The following MGMT variants were observed in gnomAD, a reference collection of about 807,000 sequenced individuals.
MGMT encodes O-6-methylguanine-DNA methyltransferase, also known as methylated-DNA--protein-cysteine methyltransferase.
MGMT carries 14 observed loss-of-function variants against 15.9 expected under a neutral mutation model. The ratio of observed to expected loss-of-function variants is 0.88; its 90% confidence interval spans 0.58 to 1.37. The LOEUF is 1.37. Ranked by LOEUF, MGMT falls within the 40% of genes most tolerant of loss-of-function variation. MGMT has a pLI of 0.00. For missense variants in MGMT, 282 were observed against 268.1 expected, an observed-to-expected ratio of 1.05 and a Z score of -0.36; for synonymous variants, 130 against 118.2, an observed-to-expected ratio of 1.10 and a Z score of -0.65.
chr10:129,553,085 C>T (rs964909833), intron 2 of MGMT, among the ~76,000 whole-genome samples: 1 of 152,146 alleles, frequency 6.6e-6, no homozygotes, highest in African/African-American at 2.4e-5. Context: ...GCCAGCTTCC[C>T]ACCGCATGGA....
intron 1 of MGMT, among the ~76,000 whole-genome samples, chr10:129,511,051 C>A (rs1431645569): frequency 7.0e-6 from 1 of 143,188 alleles, no homozygotes; most frequent in Non-Finnish European, 1.5e-5. Flanking sequence ...CCAGATGCAG[C>A]CTGGTGCTTC....
At chr10:129,680,502 A>G (rs546260876) in intron 2 of MGMT, among the ~76,000 whole-genome samples, 1 of 152,154 alleles carries the variant, frequency 6.6e-6, no homozygotes, top group East Asian at 1.9e-4. Context: ...CAGGAATTCT[A>G]CCGACTTTGG....
chr10:129,632,252 A>AT (rs1847218460), intron 2 of MGMT, among the ~76,000 whole-genome samples: 1 of 152,142 alleles, frequency 6.6e-6, no homozygotes, highest in East Asian at 1.9e-4. Context: ...GCTTACTTTC[A>AT]TTTTTAACTG....
At chr10:129,551,233 T>C (rs1037326096) in intron 2 of MGMT, among the ~76,000 whole-genome samples, 1 of 152,254 alleles carries the variant, frequency 6.6e-6, no homozygotes, top group African/African-American at 2.4e-5. Flanking sequence ...AGAGATGCTC[T>C]GAAGAAAGGC....
At chr10:129,497,177 C>T (rs1193495777) in intron 1 of MGMT, among the ~76,000 whole-genome samples, 1 of 152,172 alleles carries the variant, frequency 6.6e-6, no homozygotes, top group African/African-American at 2.4e-5. Context: ...CTTTATATTT[C>T]CTAGCCACAG....
At chr10:129,485,427 T>G (rs773637015) in intron 1 of MGMT, among the ~76,000 whole-genome samples, 1 of 152,196 alleles carries the variant, frequency 6.6e-6, no homozygotes, top group Non-Finnish European at 1.5e-5. Flanking sequence ...CACTTCCCTT[T>G]CCTTGGGGAG....
At chr10:129,467,457 C>T (rs1845181582) in intron 1 of MGMT, 161 bp downstream of exon 1, 2 of 982,170 alleles carry the variant, frequency 2.0e-6, no homozygotes, top group Non-Finnish European at 2.4e-6. Context: ...CCCCAAGTGC[C>T]TCCCAGGTGT....
chr10:129,728,082 A>C (rs1265776619), intron 3 of MGMT, among the ~76,000 whole-genome samples: 1 of 152,142 alleles, frequency 6.6e-6, no homozygotes, highest in Admixed American at 6.5e-5. Context: ...GCCAGGCTGG[A>C]CTTGAACAGG....
At position 129,638,429 on chromosome 10, in the gene MGMT, C is replaced by CAAAAAAAAAAAAAAAAAAAAA; in HGVS notation, c.126-69450_126-69449insAAAAAAAAAAAAAAAAAAAAA. On this transcript the variant is annotated intron_variant, in intron 2 of 4. Coordinates refer to ENST00000651593, the MANE Select transcript of MGMT (RefSeq NM_002412.5). ...GAAGTCCAAGAGAGGACCAAAGAGG[C>CAAAAAAAAAAAAAAAAAAAAA]AAAAAAAAAAAAAAAAGAAAAAAAA... Among the ~76,000 whole-genome samples, 154 of 61,586 alleles carry CAAAAAAAAAAAAAAAAAAAAA rather than the reference C, an allele frequency of 2.5e-3. 18 individuals carry two copies. Among genetic ancestry groups the CAAAAAAAAAAAAAAAAAAAAA allele is most frequent in the Non-Finnish European group, 3.3e-3 (101 of 30,622 alleles). 40.4% of individuals were successfully genotyped at this position (61,586 alleles called of 152,430 possible).
At chr10:129,536,411 A>G (rs1845985191) in intron 2 of MGMT, 34 bp downstream of exon 2, 2 of 1,595,068 alleles carry the variant, frequency 1.3e-6, no homozygotes, top group Non-Finnish European at 8.5e-7. Flanking sequence ...TGTATACCGC[A>G]CATGCTGAAG....
chr10:129,739,000 A>G (rs1848598734), intron 3 of MGMT, among the ~76,000 whole-genome samples: 2 of 152,222 alleles, frequency 1.3e-5, no homozygotes, highest in Non-Finnish European at 2.9e-5. Context: ...CTGGTTCAAC[A>G]TACACAAATC....
intron 3 of MGMT, among the ~76,000 whole-genome samples, chr10:129,743,008 C>T (rs1051303331): frequency 9.3e-5 from 14 of 151,322 alleles, no homozygotes; most frequent in South Asian, 4.2e-4. Context: ...GATAAAAAAA[C>T]GGAGCCATGC....
At chr10:129,625,347 T>C (rs1207047746) in intron 2 of MGMT, among the ~76,000 whole-genome samples, 1 of 152,236 alleles carries the variant, frequency 6.6e-6, no homozygotes, top group Non-Finnish European at 1.5e-5. Context: ...GAGAGAATAA[T>C]TCCTAGCTTG....
chr10:129,497,243 T>G (rs971699055), intron 1 of MGMT, among the ~76,000 whole-genome samples: 1 of 152,174 alleles, frequency 6.6e-6, no homozygotes, highest in Non-Finnish European at 1.5e-5. Context: ...GCAAGCAGCA[T>G]CAGTTCTGGA....
chr10:129,605,820 T>C (rs1174959698), intron 2 of MGMT, among the ~76,000 whole-genome samples: 1 of 152,214 alleles, frequency 6.6e-6, no homozygotes, highest in Non-Finnish European at 1.5e-5. Flanking sequence ...AACTGGTATG[T>C]GCTTGCGTGG....
intron 2 of MGMT, among the ~76,000 whole-genome samples, chr10:129,546,375 G>A (rs1268036572): frequency 6.6e-6 from 1 of 152,250 alleles, no homozygotes; most frequent in African/African-American, 2.4e-5. Context: ...ACATCACTGG[G>A]TGGTGAACCA....
chr10:129,487,850 GTGTTT>G (rs1205267446), intron 1 of MGMT, among the ~76,000 whole-genome samples: 1 of 151,702 alleles, frequency 6.6e-6, no homozygotes, highest in Non-Finnish European at 1.5e-5. Flanking sequence ...TCTTATGTGT[GTGTTT>G]TAAGTTGGAT....
chr10:129,471,249 G>C (rs1193851958), intron 1 of MGMT, among the ~76,000 whole-genome samples: 1 of 152,226 alleles, frequency 6.6e-6, no homozygotes, highest in Non-Finnish European at 1.5e-5. Context: ...TATGCATAGA[G>C]GTTTAGAAAG....
At chr10:129,499,165 G>A (rs1435058825) in intron 1 of MGMT, among the ~76,000 whole-genome samples, 1 of 152,206 alleles carries the variant, frequency 6.6e-6, no homozygotes, top group Non-Finnish European at 1.5e-5. Flanking sequence ...ATGCAGATGA[G>A]GCTTAGTAGG....
Sources: gnomAD v4.1 joint callset for allele counts (sites outside exome capture counted in the v4.1 genomes callset) on GRCh38, gnomAD v4.1.1 for gene constraint, MANE v1.5 for transcripts, NCBI Gene and HGNC (gene_info 2026-07-23, HGNC 2026-07-21) for gene names.